The following SERGEF variants were observed in gnomAD, a reference collection of about 807,000 sequenced individuals.
SERGEF encodes the protein secretion regulating guanine nucleotide exchange factor, also known as secretion-regulating guanine nucleotide exchange factor.
A neutral mutation model predicts 50.0 loss-of-function variants in SERGEF; 51 were observed. The ratio of observed to expected loss-of-function variants is 1.02; its 90% CI spans 0.81 to 1.29. The LOEUF (loss-of-function observed/expected upper bound fraction) is 1.29, where lower values mean the gene tolerates loss of function less well. Ranked by LOEUF, SERGEF falls within the 50% of genes most tolerant of loss-of-function variation. SERGEF has a pLI of 0.00. For synonymous variants in SERGEF, 205 were observed against 212.4 expected (o/e 0.97, Z 0.30); for missense variants, 521 against 557.0 (o/e 0.94, Z 0.65).
At chr11:17,905,456 G>C (rs1327287643) in intron 9 of SERGEF, among the ~76,000 whole-genome samples, 1 of 152,206 alleles carries the variant, frequency 6.6e-6, no homozygotes, top group East Asian at 1.9e-4. Flanking sequence ...AGCATTCTTG[G>C]GGAGGCACCA....
chr11:17,927,067 C>T (rs925926736), intron 9 of SERGEF, among the ~76,000 whole-genome samples: 13 of 152,304 alleles, frequency 8.5e-5, no homozygotes, highest in African/African-American at 2.6e-4. Flanking sequence ...ACTCTATTCC[C>T]GGTATGCCCT....
At chr11:17,944,999 A>G (rs1203167437) in intron 9 of SERGEF, among the ~76,000 whole-genome samples, 1 of 152,242 alleles carries the variant, frequency 6.6e-6, no homozygotes, top group Non-Finnish European at 1.5e-5. Flanking sequence ...TAAGAAAACT[A>G]GAGGAAACTT....
chr11:17,972,357 A>G (rs1853265618), intron 8 of SERGEF, among the ~76,000 whole-genome samples: 1 of 152,152 alleles, frequency 6.6e-6, no homozygotes, highest in Non-Finnish European at 1.5e-5. Flanking sequence ...ATTTTATGTA[A>G]TTGTCACAGC....
At chr11:17,800,035 T>C (rs1849637992) in intron 10 of SERGEF, among the ~76,000 whole-genome samples, 1 of 152,238 alleles carries the variant, frequency 6.6e-6, no homozygotes, top group Admixed American at 6.5e-5. Context: ...CTTTCTCTTA[T>C]TTATCTTTTT....
intron 10 of SERGEF, among the ~76,000 whole-genome samples, chr11:17,802,714 G>C (rs1849692869): frequency 6.6e-6 from 1 of 151,734 alleles, no homozygotes; most frequent in Admixed American, 6.6e-5. Flanking sequence ...CCTCTGCCCG[G>C]AACCTTCCTC....
At chr11:17,800,138 A>G (rs559546115) in intron 10 of SERGEF, among the ~76,000 whole-genome samples, 1 of 152,324 alleles carries the variant, frequency 6.6e-6, no homozygotes, top group African/African-American at 2.4e-5. Context: ...TACTTTTAAT[A>G]TATATTAATG....
chr11:17,897,164 A>G (rs1056582885), intron 9 of SERGEF, among the ~76,000 whole-genome samples: 1 of 152,220 alleles, frequency 6.6e-6, no homozygotes, highest in African/African-American at 2.4e-5. Flanking sequence ...GGTGCTACAT[A>G]AAAGAACTGG....
chr11:17,857,467 T>C (rs1850842829), intron 10 of SERGEF, among the ~76,000 whole-genome samples: 1 of 152,206 alleles, frequency 6.6e-6, no homozygotes, highest in Admixed American at 6.5e-5. Flanking sequence ...ACCCTCGCCA[T>C]TTGGCAAAAT....
intron 9 of SERGEF, among the ~76,000 whole-genome samples, chr11:17,908,189 C>T (rs1176866915): frequency 6.6e-6 from 1 of 152,202 alleles, no homozygotes; most frequent in African/African-American, 2.4e-5. Flanking sequence ...AATGGCCCCT[C>T]ATCACCTTCA....
intron 2 of SERGEF, 61 bp from the exon 3 acceptor site, chr11:18,006,807 A>C (rs1854084325): frequency 1.9e-6 from 3 of 1,562,436 alleles, no homozygotes. Context: ...TGCAAAATGA[A>C]CAAAAAGATT....
chr11:17,801,379 G>T (rs924641681), intron 10 of SERGEF, among the ~76,000 whole-genome samples: 1 of 152,194 alleles, frequency 6.6e-6, no homozygotes. Context: ...AAAATGCAGG[G>T]AGCAGATTTA....
intron 8 of SERGEF, among the ~76,000 whole-genome samples, chr11:17,962,314 T>C (rs1166570760): frequency 6.6e-6 from 1 of 152,008 alleles, no homozygotes; most frequent in African/African-American, 2.4e-5. Flanking sequence ...CATAAACACA[T>C]GGATGATGAT....
chr11:18,006,776 G>T (rs371793675), intron 2 of SERGEF, 30 bp from the exon 3 acceptor site: 2 of 1,608,202 alleles, frequency 1.2e-6, no homozygotes, highest in Non-Finnish European at 1.7e-6. Flanking sequence ...CAGTGATAGC[G>T]TGCACAGGAA....
chr11:17,852,838 C>T (rs1033817085), intron 10 of SERGEF, among the ~76,000 whole-genome samples: 6 of 152,146 alleles, frequency 3.9e-5, no homozygotes, highest in African/African-American at 1.4e-4. Context: ...CAAGGTCAGA[C>T]CGTGGGTAGG....
At chr11:17,830,649 GGAGAGAGAGAGAGAGAGAGAGA>G (rs55967425) in intron 10 of SERGEF, among the ~76,000 whole-genome samples, 2 of 77,726 alleles carry the variant, frequency 2.6e-5, no homozygotes, top group African/African-American at 1.2e-4. Context: ...GGAGAGGGAG[GGAGAGAGAGAGAGAGAGAGAGA>G]GAGAGAGAGA....
chr11:17,981,153 A>C (rs1301862137), intron 8 of SERGEF, among the ~76,000 whole-genome samples: 2 of 152,218 alleles, frequency 1.3e-5, no homozygotes, highest in African/African-American at 4.8e-5. Flanking sequence ...CCTTGGCCAC[A>C]ATCTTTTTAT....
intron 9 of SERGEF, among the ~76,000 whole-genome samples, chr11:17,952,937 G>A (rs1852797804): frequency 6.6e-6 from 1 of 152,078 alleles, no homozygotes; most frequent in African/African-American, 2.4e-5. Flanking sequence ...CTATCTGGCT[G>A]CTCTTCCTCT....
intron 4 of SERGEF, among the ~76,000 whole-genome samples, chr11:18,001,134 C>G (rs1163253621): frequency 6.6e-6 from 1 of 152,230 alleles, no homozygotes; most frequent in Non-Finnish European, 1.5e-5. Flanking sequence ...TTCCATTTAT[C>G]TCTTTAGGTG....
chr11:17,826,130 G>A (rs1850187843), intron 10 of SERGEF, among the ~76,000 whole-genome samples: 1 of 152,204 alleles, frequency 6.6e-6, no homozygotes, highest in South Asian at 2.1e-4. Context: ...GGCCTGATCT[G>A]TGCCAAGCAC....
Sources: gnomAD v4.1 joint callset for allele counts (sites outside exome capture counted in the v4.1 genomes callset) on GRCh38, gnomAD v4.1.1 for gene constraint, MANE v1.5 for transcripts, NCBI Gene and HGNC (gene_info 2026-07-23, HGNC 2026-07-21) for gene names.